PDE4D: variants seen among roughly 807,000 people sequenced by gnomAD.
PDE4D encodes the protein 3',5'-cyclic-AMP phosphodiesterase 4D.
PDE4D carries 24 observed loss-of-function variants against 87.4 expected under a neutral mutation model. That is an observed-to-expected ratio of 0.27 (90% CI 0.20 to 0.39). PDE4D has a LOEUF of 0.39. Ranked by LOEUF, PDE4D falls within the 10% of genes least tolerant of loss-of-function variation. The probability of loss-of-function intolerance (pLI) is 1.00; values close to 1 mark genes in which losing one functional copy is unlikely to be tolerated. For synonymous variants in PDE4D, 384 were observed against 383.2 expected (o/e 1.00, Z -0.02); for missense variants, 714 against 1,041.0 (o/e 0.69, Z 4.32).
intron 1 of PDE4D, among the ~76,000 whole-genome samples, chr5:59,744,525 T>C (rs772348159): frequency 6.6e-6 from 1 of 152,142 alleles, no homozygotes; most frequent in African/African-American, 2.4e-5. Context: ...TTGATGTATC[T>C]AAACAAGCAC....
intron 1 of PDE4D, among the ~76,000 whole-genome samples, chr5:60,415,526 G>C (rs1224486832): frequency 1.3e-5 from 2 of 152,240 alleles, no homozygotes; most frequent in African/African-American, 4.8e-5. Context: ...CGGTGGGCGT[G>C]GGCTTGGTGG....
intron 5 of PDE4D, among the ~76,000 whole-genome samples, chr5:59,132,677 C>T (rs1220301375): frequency 2.0e-5 from 3 of 152,314 alleles, no homozygotes; most frequent in Admixed American, 1.3e-4. Flanking sequence ...GTTACATATA[C>T]AGGCATAGGA....
intron 5 of PDE4D, among the ~76,000 whole-genome samples, chr5:59,068,111 A>C (rs1193557496): frequency 6.6e-6 from 1 of 152,202 alleles, no homozygotes; most frequent in Non-Finnish European, 1.5e-5. Flanking sequence ...GGTTAAAAGC[A>C]TGTGTGAAAT....
intron 5 of PDE4D, among the ~76,000 whole-genome samples, chr5:59,090,925 T>C (rs1277909873): frequency 6.6e-6 from 1 of 151,614 alleles, no homozygotes; most frequent in African/African-American, 2.4e-5. Context: ...GCCTCTCTTA[T>C]TGCCATGTTG....
At chr5:60,513,119 T>C (rs1391787264) in intron 1 of PDE4D, among the ~76,000 whole-genome samples, 1 of 152,098 alleles carries the variant, frequency 6.6e-6, no homozygotes, top group African/African-American at 2.4e-5. Flanking sequence ...AACACAAATA[T>C]AATAATTACA....
chr5:60,291,210 T>C (rs1332974901), intron 1 of PDE4D, among the ~76,000 whole-genome samples: 3 of 152,212 alleles, frequency 2.0e-5, no homozygotes, highest in Admixed American at 1.3e-4. Flanking sequence ...TTGGACATTT[T>C]CAGGAAATGA....
intron 1 of PDE4D, among the ~76,000 whole-genome samples, chr5:59,762,853 GGA>G (rs1491516240): frequency 2.9e-5 from 1 of 34,564 alleles, no homozygotes; most frequent in Non-Finnish European, 5.8e-5. Flanking sequence ...AACTGCTTAA[GGA>G]TATATATATA....
chr5:60,030,451 C>T (rs936147659), intron 2 of PDE4D, among the ~76,000 whole-genome samples: 7 of 151,842 alleles, frequency 4.6e-5, no homozygotes, highest in East Asian at 1.9e-4. Flanking sequence ...AGCGAGACTC[C>T]GTCTCAAAAA....
chr5:59,684,529 A>G (rs1450016832), intron 1 of PDE4D, among the ~76,000 whole-genome samples: 2 of 152,186 alleles, frequency 1.3e-5, no homozygotes, highest in Non-Finnish European at 2.9e-5. Flanking sequence ...GGAAGTGGTA[A>G]CTGATTTGGG....
chr5:59,618,503 G>C (rs1027600457), intron 1 of PDE4D, among the ~76,000 whole-genome samples: 6 of 152,096 alleles, frequency 3.9e-5, no homozygotes, highest in African/African-American at 1.4e-4. Flanking sequence ...CCATGTTACA[G>C]CTTGGCCTCT....
chr5:59,660,639 C>T (rs959517962), intron 1 of PDE4D, among the ~76,000 whole-genome samples: 1 of 152,060 alleles, frequency 6.6e-6, no homozygotes, highest in Non-Finnish European at 1.5e-5. Flanking sequence ...GGAATTCAAA[C>T]CCCTGGGACT....
chr5:59,412,402 C>T (rs1198296426), intron 1 of PDE4D, among the ~76,000 whole-genome samples: 1 of 152,162 alleles, frequency 6.6e-6, no homozygotes, highest in Non-Finnish European at 1.5e-5. Flanking sequence ...GCATACTCCC[C>T]TCTGCGGTAG....
chr5:59,300,331 C>T (rs1769971762), intron 1 of PDE4D, among the ~76,000 whole-genome samples: 1 of 151,978 alleles, frequency 6.6e-6, no homozygotes, highest in African/African-American at 2.4e-5. Flanking sequence ...AGTATATTTT[C>T]TGACAGTATA....
intron 1 of PDE4D, among the ~76,000 whole-genome samples, chr5:60,485,000 G>A (rs185401474): frequency 6.6e-6 from 1 of 152,222 alleles, no homozygotes; most frequent in Non-Finnish European, 1.5e-5. Context: ...GCGTGGTCCC[G>A]TTGACTCTAA....
intron 1 of PDE4D, among the ~76,000 whole-genome samples, chr5:59,470,670 T>C (rs1184443808): frequency 6.6e-6 from 1 of 152,226 alleles, no homozygotes; most frequent in African/African-American, 2.4e-5. Context: ...ATTGATTTAC[T>C]TTGTTTTTCA....
chr5:60,148,721 G>A (rs997707173), intron 2 of PDE4D, among the ~76,000 whole-genome samples: 11 of 152,148 alleles, frequency 7.2e-5, no homozygotes, highest in African/African-American at 2.7e-4. Context: ...CTGCCATTGG[G>A]AACTTATAGT....
intron 1 of PDE4D, among the ~76,000 whole-genome samples, chr5:59,595,419 T>C (rs1826526253): frequency 6.6e-6 from 1 of 152,192 alleles, no homozygotes. Context: ...CATAATTCCA[T>C]TCCCAAAAGA....
intron 11 of PDE4D, among the ~76,000 whole-genome samples, chr5:58,980,106 T>C (rs1242235443): frequency 6.6e-6 from 1 of 152,214 alleles, no homozygotes; most frequent in Non-Finnish European, 1.5e-5. Context: ...ATTTTAAGGC[T>C]ATGTTCCATT....
chr5:60,204,075 TAAA>T (rs67713445), intron 1 of PDE4D, among the ~76,000 whole-genome samples: 13,146 of 152,248 alleles, frequency 0.086, 617 homozygotes, highest in Non-Finnish European at 0.11. Flanking sequence ...CATTTTTCTG[TAAA>T]TTAAAAGAAG....
Sources: gnomAD v4.1 joint callset for allele counts (sites outside exome capture counted in the v4.1 genomes callset) on GRCh38, gnomAD v4.1.1 for gene constraint, MANE v1.5 for transcripts, NCBI Gene and HGNC (gene_info 2026-07-23, HGNC 2026-07-21) for gene names.